GPM6A: variants seen among roughly 807,000 people sequenced by gnomAD.
GPM6A encodes neuronal membrane glycoprotein M6-a.
GPM6A carries 7 observed loss-of-function variants against 32.1 expected under a neutral mutation model. That is an observed-to-expected ratio of 0.22 (90% CI 0.12 to 0.41). The LOEUF (loss-of-function observed/expected upper bound fraction) is 0.41, where lower values mean the gene tolerates loss of function less well. Among genes scored for constraint, GPM6A ranks in the 10% least tolerant of loss-of-function variants. The pLI is 1.00. For synonymous variants in GPM6A, 130 were observed against 123.4 expected (o/e 1.05, Z -0.35); for missense variants, 235 against 347.2 (o/e 0.68, Z 2.57).
At chr4:175,744,120 TA>T (rs1380999617) in intron 1 of GPM6A, among the ~76,000 whole-genome samples, 4 of 151,940 alleles carry the variant, frequency 2.6e-5, no homozygotes, top group Non-Finnish European at 4.4e-5. Flanking sequence ...GGCCGTAGAG[TA>T]AGTAATAAAC....
At position 175,946,670 on chromosome 4, in the gene GPM6A, G is replaced by A. The variant is rs181709769; in HGVS notation, c.-23+55639C>T. On this transcript the variant is annotated intron_variant, in intron 1 of 7. Coordinates refer to the GPM6A transcript ENST00000280187. ...CAAGCACAGCTGTGGAGTGTCCGAGGGATAAAGATGGCAGCAGCCCAAGCA... is the reference window on the plus strand; with the variant it reads ...CAAGCACAGCTGTGGAGTGTCCGAGAGATAAAGATGGCAGCAGCCCAAGCA... 4.7e-3 allele frequency among the ~76,000 whole-genome samples: 721 copies of A among 152,168 alleles called. 2 individuals are homozygous for A. Among genetic ancestry groups the A allele is most frequent in the Admixed American group, 8.8e-3 (135 of 15,282 alleles).
chr4:175,718,877 A>T (rs1745974693), intron 1 of GPM6A, among the ~76,000 whole-genome samples: 1 of 152,180 alleles, frequency 6.6e-6, no homozygotes. Flanking sequence ...TTTAAAACCA[A>T]GTGACTAAAG....
intron 4 of GPM6A, 104 bp downstream of exon 4, chr4:175,651,730 G>C: frequency 1.2e-6 from 1 of 814,834 alleles, no homozygotes; most frequent in East Asian, 2.5e-5. Flanking sequence ...TGGTAGAAAA[G>C]GTACTGATAA....
At chr4:175,933,212 A>C (rs759906457) in intron 1 of GPM6A, among the ~76,000 whole-genome samples, 27 of 152,214 alleles carry the variant, frequency 1.8e-4, no homozygotes, top group Non-Finnish European at 7.3e-5. Flanking sequence ...AAAGGATGGG[A>C]TACTTCAAAT....
intron 6 of GPM6A, among the ~76,000 whole-genome samples, chr4:175,637,844 A>G (rs866856462): frequency 5.8e-5 from 7 of 121,328 alleles, no homozygotes; most frequent in Non-Finnish European, 1.1e-4. Context: ...TATAATATAT[A>G]ATATAAAATA....
chr4:175,964,049 A>T (rs891516211), intron 1 of GPM6A, among the ~76,000 whole-genome samples: 1 of 152,092 alleles, frequency 6.6e-6, no homozygotes, highest in Non-Finnish European at 1.5e-5. Context: ...AAAAAATCAC[A>T]TTAAATGCTC....
At chr4:175,882,198 G>T (rs1737301915) in intron 1 of GPM6A, among the ~76,000 whole-genome samples, 1 of 151,826 alleles carries the variant, frequency 6.6e-6, no homozygotes, top group African/African-American at 2.4e-5. Flanking sequence ...TTGTGCCTGA[G>T]GTAGCGTGCC....
At chr4:175,924,442 A>G (rs1738766276) in intron 1 of GPM6A, among the ~76,000 whole-genome samples, 2 of 152,180 alleles carry the variant, frequency 1.3e-5, no homozygotes, top group South Asian at 4.1e-4. Flanking sequence ...CAGACAGGCC[A>G]CTAGTCAGAG....
intron 3 of GPM6A, among the ~76,000 whole-genome samples, chr4:175,660,204 C>T (rs1305826957): frequency 2.0e-5 from 3 of 151,942 alleles, no homozygotes; most frequent in Non-Finnish European, 4.4e-5. Context: ...TCAAGACCAG[C>T]CTGACCAACA....
At chr4:175,737,922 A>G (rs1731728109) in intron 1 of GPM6A, among the ~76,000 whole-genome samples, 1 of 149,968 alleles carries the variant, frequency 6.7e-6, no homozygotes, top group Non-Finnish European at 1.5e-5. Context: ...GCATCTAAAC[A>G]TCTCCCACTA....
At chr4:175,832,852 C>T (rs1358443869) in intron 1 of GPM6A, among the ~76,000 whole-genome samples, 1 of 152,174 alleles carries the variant, frequency 6.6e-6, no homozygotes, top group Non-Finnish European at 1.5e-5. Context: ...ACAAAGTGGA[C>T]ATGTCAGGAC....
At chr4:175,796,387 C>T (rs1487486166) in intron 1 of GPM6A, among the ~76,000 whole-genome samples, 1 of 152,132 alleles carries the variant, frequency 6.6e-6, no homozygotes, top group Non-Finnish European at 1.5e-5. Context: ...ATTTACCAAT[C>T]AGTGCATTCA....
intron 1 of GPM6A, among the ~76,000 whole-genome samples, chr4:175,713,917 CT>C (rs1745692386): frequency 6.6e-6 from 1 of 152,084 alleles, no homozygotes; most frequent in Non-Finnish European, 1.5e-5. Flanking sequence ...CAATTTCCAT[CT>C]TTTGTCTGTT....
chr4:175,767,501 G>A (rs1290296595), intron 1 of GPM6A, among the ~76,000 whole-genome samples: 1 of 152,170 alleles, frequency 6.6e-6, no homozygotes, highest in Non-Finnish European at 1.5e-5. Flanking sequence ...TGAATTCTTC[G>A]TCTAGTGTTT....
chr4:175,740,811 G>A (rs1731858999), intron 1 of GPM6A, among the ~76,000 whole-genome samples: 1 of 152,030 alleles, frequency 6.6e-6, no homozygotes, highest in African/African-American at 2.4e-5. Flanking sequence ...TAAAAGGGTA[G>A]CATTTTAAGT....
chr4:175,711,409 AATATATATATATATATATATATATATAT>A (rs36105210), intron 1 of GPM6A, among the ~76,000 whole-genome samples: 12 of 53,308 alleles, frequency 2.3e-4, no homozygotes, highest in Admixed American at 5.5e-4. Context: ...TGGCACACCA[AATATATATATATATATATATATATATAT>A]ATATATATAT....
At chr4:175,908,381 T>A (rs1738197961) in intron 1 of GPM6A, among the ~76,000 whole-genome samples, 1 of 152,092 alleles carries the variant, frequency 6.6e-6, no homozygotes, top group Non-Finnish European at 1.5e-5. Flanking sequence ...GTCTTCTATA[T>A]CCTCATCTGC....
chr4:175,824,215 A>C (rs924102926), intron 1 of GPM6A, among the ~76,000 whole-genome samples: 3 of 152,178 alleles, frequency 2.0e-5, no homozygotes. Context: ...TGATACACTC[A>C]AGTAATTTAC....
At position 175,975,597 on chromosome 4, in the gene GPM6A, A is replaced by G. The variant is rs374076699; in HGVS notation, c.-23+26712T>C. On this transcript the variant is annotated intron_variant, in intron 1 of 7. Transcript: ENST00000280187. ...TCAGCATTGCACTAATGCCTCTAGA[A>G]TTGCATTTCTCACCAGTTCCTAACT... Among the ~76,000 whole-genome samples the G allele has an allele frequency of 2.4e-4, 36 of 152,354 alleles. 1 individual carries two copies. The East Asian group carries it at 3.5e-3, about 15-fold the overall frequency.
Sources: gnomAD v4.1 joint callset for allele counts (sites outside exome capture counted in the v4.1 genomes callset) on GRCh38, gnomAD v4.1.1 for gene constraint, MANE v1.5 for transcripts, NCBI Gene and HGNC (gene_info 2026-07-23, HGNC 2026-07-21) for gene names.